The following CCAR2 variants were observed in gnomAD, a reference collection of about 807,000 sequenced individuals.
CCAR2 encodes the protein cell cycle and apoptosis regulator protein 2.
CCAR2 carries 21 observed loss-of-function variants against 108.1 expected under a neutral mutation model. The ratio of observed to expected loss-of-function variants is 0.19; its 90% CI spans 0.14 to 0.28. The LOEUF is 0.28. CCAR2 is among the 10% of genes least tolerant of loss of function. The pLI, the probability that CCAR2 is intolerant of heterozygous loss-of-function variation, is 1.00. For missense variants in CCAR2, 1,126 were observed against 1,177.0 expected, an observed-to-expected ratio of 0.96 and a Z score of 0.63; for synonymous variants, 577 against 472.8, an observed-to-expected ratio of 1.22 and a Z score of -2.86.
intron 17 of CCAR2, 42 bp downstream of exon 17, chr8:22,618,537 C>CACTT (rs772619687): frequency 2.4e-5 from 38 of 1,613,986 alleles, no homozygotes; most frequent in African/African-American, 5.3e-5. Context: ...CACAGGCCTG[C>CACTT]ACTTACTCCT....
intron 4 of CCAR2, 68 bp from the exon 5 acceptor site, chr8:22,606,842 A>G: frequency 2.0e-6 from 3 of 1,532,866 alleles, no homozygotes; most frequent in Non-Finnish European, 2.7e-6. Context: ...AAGGCCTCAT[A>G]GGGGCAGTCA....
chr8:22,607,443 G>T, intron 6 of CCAR2, 118 bp downstream of exon 6: 1 of 1,231,478 alleles, frequency 8.1e-7, no homozygotes, highest in Non-Finnish European at 1.1e-6. Flanking sequence ...GAAGAAAGGT[G>T]GGCAATCTGG....
At position 22,606,660 on chromosome 8, in the gene CCAR2, C is replaced by T. The variant is rs1801092378; in HGVS notation, c.204C>T (p.Tyr68=). 2.5e-6 allele frequency: 4 copies of T among 1,614,042 alleles called. No individual in the cohort carries two copies. The highest frequency in any genetic ancestry group is 1.3e-5 in the African/African-American group (1 of 74,912). The part of the protein sequence containing the change: ...FTGIVTSLHD[Y]FGVVDEEVFF... ...GTATTGTTACCAGCTTGCATGACTACTTTGGGGTTGTGGATGAAGAGGTCT... is the reference window on the plus strand; with the variant it reads ...GTATTGTTACCAGCTTGCATGACTATTTTGGGGTTGTGGATGAAGAGGTCT... Residue 68 remains tyrosine (Y), a synonymous_variant, in exon 4 of 21, where the codon TAC becomes TAT. Coordinates refer to ENST00000308511, the MANE Select transcript of CCAR2 (RefSeq NM_001393997.1).
intron 14 of CCAR2, 147 bp from the exon 15 acceptor site, chr8:22,617,273 A>G: frequency 1.1e-6 from 1 of 934,528 alleles, no homozygotes; most frequent in Non-Finnish European, 1.5e-6. Flanking sequence ...CACTTAATGA[A>G]ATTAAATACA....
intron 1 of CCAR2, chr8:22,605,221 T>C: frequency 1.1e-5 from 2 of 183,070 alleles, no homozygotes; most frequent in Non-Finnish European, 1.2e-5. Flanking sequence ...CGGGTCGGGC[T>C]TCCGGGGAGA....
Position 22,617,301 on chromosome 8 carries a change from T to G in CCAR2, c.1846-119T>G, listed in dbSNP as rs950419985. On this transcript the variant is annotated intron_variant, in intron 14 of 20. Coordinates refer to ENST00000308511, the MANE Select transcript of CCAR2 (RefSeq NM_001393997.1). ...TAAATACATGAAATGAGACGGTATC[T>G]GTAGAGCCCTCCATACAGTGCCTGG... is the stretch of plus-strand genomic sequence containing the variant. 5 of 1,162,712 alleles carry G rather than the reference T, an allele frequency of 4.3e-6. No individual in the cohort carries two copies. In the African/African-American group the frequency reaches 6.2e-5, roughly 14 times the overall value. The allele number at this position is 1,162,712 out of a possible 1,614,324, so 72.0% of individuals were successfully genotyped here.
intron 7 of CCAR2, among the ~76,000 whole-genome samples, chr8:22,612,175 G>C (rs558889837): frequency 2.6e-5 from 4 of 152,148 alleles, no homozygotes; most frequent in Admixed American, 6.5e-5. Context: ...TTGAACTCCC[G>C]ACCTCAAGTG....
rs1188287040 is a variant in CCAR2, at chr8:22,616,073, A to G, written c.1670A>G (p.Tyr557Cys). 5.0e-6 allele frequency: 8 copies of G among 1,614,032 alleles called. No individual in the cohort carries two copies. Among genetic ancestry groups the G allele is most frequent in the Non-Finnish European group, 6.8e-6 (8 of 1,180,022 alleles). Reference protein sequence around the residue: ...MLQRDFGYRVYKMLLSLPEKV... With the variant: ...MLQRDFGYRVCKMLLSLPEKV... ...CAGAGGGATTTTGGCTATAGAGTTT[A>G]TAAGATGCTACTGAGCCTTCCTGAA... Residue 557 changes from tyrosine (Y) to cysteine (C), a missense_variant, in exon 14 of 21, where the codon TAT becomes TGT. Coordinates refer to ENST00000308511, the MANE Select transcript of CCAR2 (RefSeq NM_001393997.1).
At chr8:22,612,794 A>G (rs1585158695) in intron 7 of CCAR2, 1 of 430,616 alleles carries the variant, frequency 2.3e-6, no homozygotes, top group East Asian at 4.0e-5. Flanking sequence ...CTGTGTATAC[A>G]ATGTTGCAGA....
Position 22,615,495 on chromosome 8 carries a change from C to T in CCAR2, c.1276C>T (p.Leu426=). 6.2e-7 allele frequency: 1 copy of T among 1,613,964 alleles called. No individual in the cohort carries two copies. The highest frequency in any genetic ancestry group is 8.5e-7 in the Non-Finnish European group (1 of 1,180,030). The change falls in exon 12 of 21, where the codon CTG becomes TTG. Residue 426 remains leucine, a synonymous_variant. Coordinates refer to ENST00000308511, the MANE Select transcript of CCAR2 (RefSeq NM_001393997.1). ...PRRLQTVVVY[L]PDVWTIMPTL... ...GCGGCTTCAGACAGTGGTGGTGTACCTGCCGGATGTCTGGACCATCATGCC... is the reference window on the plus strand; with the variant it reads ...GCGGCTTCAGACAGTGGTGGTGTACTTGCCGGATGTCTGGACCATCATGCC...
intron 7 of CCAR2, among the ~76,000 whole-genome samples, chr8:22,609,913 C>T (rs560437643): frequency 2.0e-5 from 3 of 152,304 alleles, no homozygotes; most frequent in South Asian, 2.1e-4. Flanking sequence ...CATCCTAAAT[C>T]CTTAAACCCA....
At chr8:22,619,049 A>C in intron 19 of CCAR2, 34 bp downstream of exon 19, 1 of 1,608,532 alleles carries the variant, frequency 6.2e-7, no homozygotes, top group Non-Finnish European at 8.5e-7. Context: ...CCATGGGGTC[A>C]CATGCAGACC....
At chr8:22,606,062 A>T in intron 2 of CCAR2, 23 bp from the exon 3 acceptor site, 1 of 1,600,176 alleles carries the variant, frequency 6.2e-7, no homozygotes, top group Non-Finnish European at 8.6e-7. Context: ...CGGTTCCTGG[A>T]GATTGCTTCT....
chr8:22,614,357 T>A (rs776275866), intron 9 of CCAR2, 33 bp from the exon 10 acceptor site: 1 of 1,613,930 alleles, frequency 6.2e-7, no homozygotes, highest in Non-Finnish European at 8.5e-7. Flanking sequence ...TTCTGGAGGC[T>A]GAAGGCAGCT....
Position 22,614,322 on chromosome 8 carries a change from G to A in CCAR2, c.927+8G>A. On this transcript the variant is annotated splice_region_variant and intron_variant, in intron 9 of 20. Coordinates refer to ENST00000308511, the MANE Select transcript of CCAR2 (RefSeq NM_001393997.1). ...CCCGCTTATAGTTCGAAGGTAAGCT[G>A]ACAGGCGTCTCTCACTTATCTGATT... The A allele has an allele frequency of 6.2e-7, 1 of 1,614,054 alleles. No homozygotes were observed.
intron 7 of CCAR2, among the ~76,000 whole-genome samples, chr8:22,611,939 GTC>G (rs200538953): frequency 4.7e-4 from 60 of 128,912 alleles, no homozygotes; most frequent in South Asian, 1.8e-3. Context: ...ATTTGTAACT[GTC>G]TCTCTTTTTT....
rs746168202 is a variant in CCAR2 at position 22,614,519 on chromosome 8, CAGG to C, written c.1041+22_1041+24del. 43 of 1,603,318 alleles carry C rather than the reference CAGG, an allele frequency of 2.7e-5. No homozygotes were observed. The East Asian group carries it at 9.4e-4, about 35-fold the overall frequency. ...GCAGATTAAGGTAAGAGCTGGAGAG[CAGG>C]AGGAGATGCATTCACGGGTAATGTG... On this transcript the variant is annotated intron_variant, in intron 10 of 20. Coordinates refer to ENST00000308511, the MANE Select transcript of CCAR2 (RefSeq NM_001393997.1).
chr8:22,609,593 T>G (rs1341629386), intron 7 of CCAR2, among the ~76,000 whole-genome samples: 1 of 152,244 alleles, frequency 6.6e-6, no homozygotes, highest in Admixed American at 6.5e-5. Context: ...ATATATTTTG[T>G]GTTTACCCAC....
In CCAR2 at chr8:22,608,610, A is replaced by G. The variant is rs7009524; in HGVS notation, c.584+545A>G. ...GCAAGCATGGCTGATTTGGGCCTTTAGGGTATCCTGGTGATGCTGTGTCAT... is the reference window on the plus strand; with the variant it reads ...GCAAGCATGGCTGATTTGGGCCTTTGGGGTATCCTGGTGATGCTGTGTCAT... On this transcript the variant is annotated intron_variant, in intron 7 of 20. Coordinates refer to ENST00000308511, the MANE Select transcript of CCAR2 (RefSeq NM_001393997.1). 5.2e-3 allele frequency among the ~76,000 whole-genome samples: 798 copies of G among 152,232 alleles called. 10 individuals carry two copies. The highest frequency in any genetic ancestry group is 0.019 in the African/African-American group (770 of 41,542).
Sources: gnomAD v4.1 joint callset for allele counts (sites outside exome capture counted in the v4.1 genomes callset) on GRCh38, gnomAD v4.1.1 for gene constraint, MANE v1.5 for transcripts, NCBI Gene and HGNC (gene_info 2026-07-23, HGNC 2026-07-21) for gene names.